Variants in SV2C observed in about 807,000 individuals in gnomAD.
SV2C encodes synaptic vesicle glycoprotein 2C, also known as solute carrier family 22 member B3.
Under a neutral mutation model 79.7 loss-of-function variants are expected in SV2C, and 49 were observed. The ratio of observed to expected loss-of-function variants is 0.61; its 90% CI spans 0.49 to 0.78. The LOEUF is 0.78. SV2C is among the 30% of genes least tolerant of loss of function. The pLI is 0.00. For synonymous variants in SV2C, 334 were observed against 333.2 expected (o/e 1.00, Z -0.03); for missense variants, 833 against 912.9 (o/e 0.91, Z 1.13).
the SV2C span, among the ~76,000 whole-genome samples, chr5:75,949,100 C>A: frequency 3.3e-3 from 508 of 151,852 alleles, 7 homozygotes; most frequent in East Asian, 0.044. Context: ...GTGTGTGGCA[C>A]CTCCTCTCCC....
At chr5:76,194,072 G>A (rs543065369) in intron 2 of SV2C, among the ~76,000 whole-genome samples, 5 of 152,278 alleles carry the variant, frequency 3.3e-5, no homozygotes, top group Admixed American at 3.3e-4. Context: ...GACCACAAGA[G>A]ATCTTGGTTT....
chr5:75,989,108 G>C, the SV2C span, among the ~76,000 whole-genome samples: 4 of 151,836 alleles, frequency 2.6e-5, no homozygotes, highest in African/African-American at 9.7e-5. Context: ...AATAGGTGGA[G>C]TTTTCCCACT....
chr5:75,990,169 T>G, the SV2C span, among the ~76,000 whole-genome samples: 1 of 152,030 alleles, frequency 6.6e-6, no homozygotes, highest in Non-Finnish European at 1.5e-5. Context: ...ATTTGTCAAT[T>G]TTTGCTTTTG....
chr5:76,099,346 A>G (rs1489462693), intron 1 of SV2C, among the ~76,000 whole-genome samples: 1 of 148,034 alleles, frequency 6.8e-6, no homozygotes, highest in Non-Finnish European at 1.5e-5. Flanking sequence ...TGTTTGCCAT[A>G]TTAGTGCTTT....
chr5:75,853,602 C>T, the SV2C span, among the ~76,000 whole-genome samples: 736 of 37,458 alleles, frequency 0.02, 16 homozygotes, highest in African/African-American at 0.056. Context: ...AGCAAGACTC[C>T]GTCTCAAAAA....
At chr5:75,931,035 G>A in the SV2C span, among the ~76,000 whole-genome samples, 1 of 152,166 alleles carries the variant, frequency 6.6e-6, no homozygotes, top group South Asian at 2.1e-4. Flanking sequence ...TAGGGAAACT[G>A]AGGCACAAGA....
chr5:75,877,944 A>G, the SV2C span, among the ~76,000 whole-genome samples: 382 of 148,238 alleles, frequency 2.6e-3, 1 homozygote, highest in African/African-American at 9.4e-3. Context: ...GTGATAGAAA[A>G]AAAAAAAAAA....
At chr5:76,078,575 G>A (rs564406470), upstream of SV2C, 15 of 336,430 alleles carry the variant, frequency 4.5e-5, no homozygotes, top group Admixed American at 2.7e-4. Context: ...TTTGACTCCC[G>A]CGGGCCACAG....
chr5:75,875,137 A>C, the SV2C span, among the ~76,000 whole-genome samples: 13 of 152,236 alleles, frequency 8.5e-5, no homozygotes, highest in African/African-American at 3.1e-4. Context: ...ATCCTACGCA[A>C]AAAGAACATA....
At chr5:75,995,589 TAAC>T in the SV2C span, among the ~76,000 whole-genome samples, 1 of 152,098 alleles carries the variant, frequency 6.6e-6, no homozygotes, top group Admixed American at 6.6e-5. Context: ...ACAAATAAGA[TAAC>T]AACCATACTC....
the SV2C span, among the ~76,000 whole-genome samples, chr5:76,006,068 G>A: frequency 3.3e-5 from 5 of 152,152 alleles, no homozygotes; most frequent in African/African-American, 4.8e-5. Flanking sequence ...CTCAGGGAAG[G>A]GGCTACTGCC....
chr5:76,030,282 T>TG, the SV2C span, among the ~76,000 whole-genome samples: 10 of 120,336 alleles, frequency 8.3e-5, no homozygotes, highest in Non-Finnish European at 1.7e-4. Flanking sequence ...TTTTTTTTTT[T>TG]TTTTTTTTTT....
chr5:76,245,689 G>A (rs1336679057), intron 4 of SV2C, among the ~76,000 whole-genome samples: 1 of 152,170 alleles, frequency 6.6e-6, no homozygotes, highest in Admixed American at 6.5e-5. Context: ...AATGACAGCT[G>A]TTAACTCTAT....
chr5:75,905,037 T>C, the SV2C span, among the ~76,000 whole-genome samples: 1 of 152,236 alleles, frequency 6.6e-6, no homozygotes, highest in South Asian at 2.1e-4. Flanking sequence ...AAAATGACCG[T>C]GCTTCAAAAT....
chr5:75,938,012 A>G, the SV2C span, among the ~76,000 whole-genome samples: 2,211 of 152,234 alleles, frequency 0.015, 42 homozygotes, highest in African/African-American at 0.048. Flanking sequence ...CAACACAAGT[A>G]TAGGTTTTGC....
At chr5:75,988,413 T>C in the SV2C span, among the ~76,000 whole-genome samples, 3 of 152,026 alleles carry the variant, frequency 2.0e-5, no homozygotes, top group Non-Finnish European at 4.4e-5. Flanking sequence ...CTATTTATCA[T>C]AGTATTTTCT....
chr5:76,170,907 GC>G (rs1251472900), intron 2 of SV2C: 1 of 419,454 alleles, frequency 2.4e-6, no homozygotes, highest in Non-Finnish European at 3.3e-6. Context: ...CGGCGCTGAC[GC>G]CCGCGGGCCC....
the SV2C span, among the ~76,000 whole-genome samples, chr5:76,003,497 T>G: frequency 6.6e-6 from 1 of 152,190 alleles, no homozygotes; most frequent in Non-Finnish European, 1.5e-5. Flanking sequence ...GCCTGTATCC[T>G]CTGTTGCCAC....
rs148458990 is a variant in SV2C at position 76,319,281 on chromosome 5, C to T, written c.2001-6083C>T. 6.0e-3 allele frequency among the ~76,000 whole-genome samples: 908 copies of T among 151,426 alleles called. 10 individuals are homozygous for T. Among genetic ancestry groups the T allele is most frequent in the African/African-American group, 0.021 (856 of 41,342 alleles). Reference sequence around the variant, plus strand: ...AAAAACACAAAAAATTGCCCGTGTGCGGCAGTGCAAGCTTTTAGTCCCAGC... The same window carrying T: ...AAAAACACAAAAAATTGCCCGTGTGTGGCAGTGCAAGCTTTTAGTCCCAGC... On this transcript the variant is annotated intron_variant, in intron 12 of 12. Transcript: ENST00000502798.
Sources: gnomAD v4.1 joint callset for allele counts (sites outside exome capture counted in the v4.1 genomes callset) on GRCh38, gnomAD v4.1.1 for gene constraint, MANE v1.5 for transcripts, NCBI Gene and HGNC (gene_info 2026-07-23, HGNC 2026-07-21) for gene names.